Variants in TMEM38B observed in about 807,000 individuals in gnomAD.
TMEM38B encodes transmembrane protein 38B.
TMEM38B carries 24 observed loss-of-function variants against 28.7 expected under a neutral mutation model. The observed-to-expected ratio is 0.84, with a 90% CI of 0.61 to 1.18. TMEM38B has a LOEUF of 1.18. Among genes scored for constraint, TMEM38B ranks in the 50% most tolerant of loss-of-function variants. The pLI, the probability that TMEM38B is intolerant of heterozygous loss-of-function variation, is 0.00. For missense variants in TMEM38B, 380 were observed against 350.9 expected, an observed-to-expected ratio of 1.08 and a Z score of -0.66; for synonymous variants, 131 against 127.7, an observed-to-expected ratio of 1.03 and a Z score of -0.17.
At chr9:105,695,060 C>G (rs983007145) in intron 1 of TMEM38B, among the ~76,000 whole-genome samples, 1 of 151,746 alleles carries the variant, frequency 6.6e-6, no homozygotes, top group Non-Finnish European at 1.5e-5. Context: ...GCCAACCGCC[C>G]GCAGAAGTCC....
chr9:105,752,358 T>C (rs1837685606), intron 5 of TMEM38B, among the ~76,000 whole-genome samples: 1 of 152,168 alleles, frequency 6.6e-6, no homozygotes, highest in African/African-American at 2.4e-5. Context: ...CCTGATCCTG[T>C]TCCTCCTGAC....
chr9:105,737,623 G>A (rs574449223), intron 4 of TMEM38B, among the ~76,000 whole-genome samples: 1 of 152,286 alleles, frequency 6.6e-6, no homozygotes, highest in African/African-American at 2.4e-5. Context: ...TGGAAGTAGG[G>A]TGTTGCATCC....
chr9:105,742,764 AAAAC>A (rs1262460998), intron 4 of TMEM38B, among the ~76,000 whole-genome samples: 1 of 152,220 alleles, frequency 6.6e-6, no homozygotes, highest in Non-Finnish European at 1.5e-5. Context: ...TGTGGTGCAG[AAAAC>A]AAACAGTGAG....
At position 105,747,739 on chromosome 9, in the gene TMEM38B, C is replaced by G. The variant is rs143832083; in HGVS notation, c.543-334C>G. Among the ~76,000 whole-genome samples, 285 of 152,264 alleles carry G rather than the reference C, an allele frequency of 1.9e-3. 1 individual carries two copies. Among genetic ancestry groups the G allele is most frequent in the African/African-American group, 6.7e-3 (280 of 41,536 alleles). ...AGTGCTATAAATTTCGCTCTACACACTGCCTTACATGTGTCCCAGAGATTC... is the reference window on the plus strand; with the variant it reads ...AGTGCTATAAATTTCGCTCTACACAGTGCCTTACATGTGTCCCAGAGATTC... On this transcript the variant is annotated intron_variant, in intron 4 of 5. Coordinates refer to ENST00000374692, the MANE Select transcript of TMEM38B (RefSeq NM_018112.3).
At chr9:105,727,151 T>C (rs1836546756) in intron 4 of TMEM38B, among the ~76,000 whole-genome samples, 1 of 152,154 alleles carries the variant, frequency 6.6e-6, no homozygotes, top group African/African-American at 2.4e-5. Context: ...TGTTATACAT[T>C]AGATCTTTAG....
chr9:105,755,619 G>A (rs757023117), intron 5 of TMEM38B, among the ~76,000 whole-genome samples: 112 of 152,296 alleles, frequency 7.4e-4, no homozygotes, highest in Non-Finnish European at 9.1e-4. Context: ...TATTTTGATA[G>A]GGATTGCTTT....
chr9:105,723,421 T>A (rs1015428263), intron 4 of TMEM38B, among the ~76,000 whole-genome samples: 1 of 151,970 alleles, frequency 6.6e-6, no homozygotes, highest in African/African-American at 2.4e-5. Context: ...TTTTTTTTTT[T>A]TTTGAGACAG....
chr9:105,738,715 C>CTTTTTTTTTTTTT (rs71489351), intron 4 of TMEM38B, among the ~76,000 whole-genome samples: 2 of 109,690 alleles, frequency 1.8e-5, no homozygotes, highest in African/African-American at 4.1e-5. Flanking sequence ...TAATTTTTTC[C>CTTTTTTTTTTTTT]TTTTTTTTTT....
intron 5 of TMEM38B, among the ~76,000 whole-genome samples, chr9:105,766,303 G>A (rs1358625485): frequency 2.6e-5 from 4 of 152,104 alleles, no homozygotes; most frequent in Admixed American, 6.5e-5. Context: ...TAATTTTAGC[G>A]TTTTGTAGGT....
Position 105,748,095 on chromosome 9 carries a change from G to A in TMEM38B, c.565G>A (p.Gly189Arg). ...MSYPAKVTLL[G>R]SVIFTFQHTQ... Reference sequence around the variant, plus strand: ...CAGCCCTGCCAAGGTAACCCTGCTGGGGTCAGTTATCTTCACATTCCAGCA... The same window carrying A: ...CAGCCCTGCCAAGGTAACCCTGCTGAGGTCAGTTATCTTCACATTCCAGCA... Residue 189 changes from glycine to arginine, a missense_variant, in exon 5 of 6, where the codon GGG becomes AGG. Gly to Arg is a moderately radical substitution (Grantham distance 125, BLOSUM62 -2). Transcript: ENST00000374692. The A allele has an allele frequency of 6.2e-7, 1 of 1,613,204 alleles. No individual in the cohort carries two copies. Among genetic ancestry groups the A allele is most frequent in the Non-Finnish European group, 8.5e-7 (1 of 1,179,462 alleles).
At position 105,735,294 on chromosome 9, in the gene TMEM38B, T is replaced by C. The variant is rs186746591; in HGVS notation, c.542+12673T>C. Among the ~76,000 whole-genome samples the C allele has an allele frequency of 1.1e-3, 172 of 152,342 alleles. 1 individual carries two copies. Among genetic ancestry groups the C allele is most frequent in the African/African-American group, 3.8e-3 (158 of 41,584 alleles). Reference sequence around the variant, plus strand: ...TGTTTTTGACCATTTTGGCTTTTTATGTTTATACTAGAAGATTGAAAGATT... The same window carrying C: ...TGTTTTTGACCATTTTGGCTTTTTACGTTTATACTAGAAGATTGAAAGATT... On this transcript the variant is annotated intron_variant, in intron 4 of 5. Transcript: ENST00000374692.
intron 5 of TMEM38B, chr9:105,760,197 G>C (rs1047792811): frequency 7.7e-6 from 7 of 906,946 alleles, no homozygotes; most frequent in Non-Finnish European, 1.3e-5. Context: ...TTTCCCAAAT[G>C]AGTCAAAATG....
chr9:105,747,399 A>G (rs1837451530), intron 4 of TMEM38B, among the ~76,000 whole-genome samples: 1 of 152,042 alleles, frequency 6.6e-6, no homozygotes, highest in Admixed American at 6.5e-5. Flanking sequence ...GGTAGTTTGT[A>G]TTTCTGTGGG....
chr9:105,721,683 A>G lies in TMEM38B; in HGVS notation c.416A>G (p.Asn139Ser). The G allele has an allele frequency of 6.2e-7, 1 of 1,613,296 alleles. No homozygotes were observed. The highest frequency in any genetic ancestry group is 8.5e-7 in the Non-Finnish European group (1 of 1,179,562). The change falls in exon 3 of 6, where the codon AAT (asparagine) becomes AGT (serine). Residue 139 changes from asparagine to serine, a missense_variant. Asn to Ser is a conservative substitution (Grantham distance 46). Coordinates refer to ENST00000374692, the MANE Select transcript of TMEM38B (RefSeq NM_018112.3). ...GVTHANSYYK[N>S]GWIVMIAIGW... is the part of the protein sequence containing the mutation. ...ACACATGCTAATAGCTATTACAAAA[A>G]TGGCTGGATAGTCATGATAGCTATT...
chr9:105,749,092 G>C (rs763764267), intron 5 of TMEM38B: 1 of 1,303,872 alleles, frequency 7.7e-7, no homozygotes, highest in Non-Finnish European at 1.0e-6. Flanking sequence ...AATTGGAGAT[G>C]ATCTGTGGCT....
chr9:105,711,691 A>G (rs948376678), intron 2 of TMEM38B, among the ~76,000 whole-genome samples: 2 of 150,818 alleles, frequency 1.3e-5, no homozygotes, highest in African/African-American at 4.9e-5. Flanking sequence ...GTCGTGACGC[A>G]TGCCTGTAGT....
chr9:105,763,529 C>T (rs1418901909), intron 5 of TMEM38B, among the ~76,000 whole-genome samples: 1 of 152,066 alleles, frequency 6.6e-6, no homozygotes, highest in East Asian at 1.9e-4. Flanking sequence ...AAGACTAAAC[C>T]AGGAAGAAGT....
intron 4 of TMEM38B, among the ~76,000 whole-genome samples, chr9:105,743,617 A>G (rs1328894534): frequency 6.6e-6 from 1 of 152,184 alleles, no homozygotes; most frequent in Non-Finnish European, 1.5e-5. Context: ...TATTAGCTAA[A>G]AATAATATGC....
At chr9:105,758,857 A>G (rs1588465763) in intron 5 of TMEM38B, 5 of 990,786 alleles carry the variant, frequency 5.0e-6, no homozygotes, top group African/African-American at 1.6e-5. Context: ...GCAGTTGATA[A>G]TAGAAAACTA....
Sources: allele counts gnomAD v4.1 joint callset (sites outside exome capture counted in the v4.1 genomes callset), GRCh38; gene constraint gnomAD v4.1.1; transcripts MANE v1.5; gene names NCBI Gene and HGNC (gene_info 2026-07-23, HGNC 2026-07-21).